The following SERAC1 variants were observed in gnomAD, a reference collection of about 807,000 sequenced individuals.
SERAC1 encodes the protein serine active site containing 1.
In SERAC1, 36 loss-of-function variants were observed where a neutral mutation model predicts 85.7. The observed-to-expected ratio is 0.42, with a 90% CI of 0.32 to 0.55. The LOEUF is 0.55. SERAC1 is among the 20% of genes least tolerant of loss of function. The pLI is 0.11. For synonymous variants in SERAC1, 242 were observed against 265.3 expected (o/e 0.91, Z 0.85); for missense variants, 629 against 796.2 (o/e 0.79, Z 2.53).
chr6:158,121,709 TTAAAA>T (rs1784425841), intron 10 of SERAC1, among the ~76,000 whole-genome samples: 1 of 152,078 alleles, frequency 6.6e-6, no homozygotes, highest in African/African-American at 2.4e-5. Flanking sequence ...GTTAAAGATT[TTAAAA>T]TAATAAAATA....
In SERAC1 at chr6:158,114,813, A is replaced by G. The variant is rs149034301; in HGVS notation, c.1660T>C (p.Leu554=). The G allele has an allele frequency of 6.2e-7, 1 of 1,603,424 alleles. No individual in the cohort carries two copies. Among genetic ancestry groups the G allele is most frequent in the East Asian group, 2.3e-5 (1 of 44,438 alleles). Residue 554 remains leucine, a synonymous_variant, in exon 15 of 17, where the codon TTG becomes CTG. Coordinates refer to ENST00000647468, the MANE Select transcript of SERAC1 (RefSeq NM_032861.4). ...CCCTTGCTGAGTTCTTTGACTTCCA[A>G]CGAGGGGAAGAGAAGATAGCGAATA... ...VNIRYLLFPS[L]EVKELSKDSP... is the part of the protein sequence containing the mutation.
rs1784098272 is a variant in SERAC1, at chr6:158,109,703, T to A, written c.*1663A>T. On this transcript the variant is annotated 3_prime_UTR_variant, in exon 17 of 17. Coordinates refer to ENST00000647468, the MANE Select transcript of SERAC1 (RefSeq NM_032861.4). ...ATCCACACATAAATTTGTACACAAA[T>A]GATCATGGTAGCATTATTTATCATA... 6.6e-6 allele frequency: 1 copy of A among 152,334 alleles called. No homozygotes were observed. The highest frequency in any genetic ancestry group is 1.5e-5 in the Non-Finnish European group (1 of 68,024). 9.4% of individuals were successfully genotyped at this position (152,334 alleles called of 1,614,324 possible).
chr6:158,113,253 G>A (rs926101012), intron 16 of SERAC1, 196 bp downstream of exon 16: 6 of 537,322 alleles, frequency 1.1e-5, no homozygotes, highest in Non-Finnish European at 2.0e-5. Context: ...ATAAAGGGCA[G>A]GGAGAGGTAA....
chr6:158,116,138 A>AAAAT lies in SERAC1; in HGVS notation c.1501+43_1501+46dup, dbSNP rs750979520. 11 of 1,510,184 alleles carry AAAAT rather than the reference A, an allele frequency of 7.3e-6. No individual in the cohort carries two copies. The African/African-American group carries it at 1.5e-4, about 21-fold the overall frequency. The allele number at this position is 1,510,184 out of a possible 1,614,324, so 93.5% of individuals were successfully genotyped here. A position where few individuals can be genotyped will look rare whatever the true frequency, so the allele number is the denominator to read the frequency against. On this transcript the variant is annotated intron_variant, in intron 14 of 16. Coordinates refer to ENST00000647468, the MANE Select transcript of SERAC1 (RefSeq NM_032861.4). ...AACTTTAGGTTGGCCACAGTGGCTG[A>AAAAT]AAATAACATCACAATGGCCACTTCA...
Position 158,120,923 on chromosome 6 carries a change from A to G in SERAC1, c.1016-348T>C, listed in dbSNP as rs1175586069. 6.6e-6 allele frequency among the ~76,000 whole-genome samples: 1 copy of G among 152,244 alleles called. No individual in the cohort carries two copies. Among genetic ancestry groups the G allele is most frequent in the Non-Finnish European group, 1.5e-5 (1 of 68,044 alleles). ...ATACCATGATGTTTTGCTTTTAACAAGAATTATGAAACTCAGTGGGTTAAT... is the reference window on the plus strand; with the variant it reads ...ATACCATGATGTTTTGCTTTTAACAGGAATTATGAAACTCAGTGGGTTAAT... On this transcript the variant is annotated intron_variant, in intron 10 of 16. Coordinates refer to ENST00000647468, the MANE Select transcript of SERAC1 (RefSeq NM_032861.4). The surrounding 1 kb of genome is among the most constrained non-coding windows in gnomAD (Gnocchi z 4.4).
chr6:158,114,718 A>AT, intron 15 of SERAC1, 71 bp downstream of exon 15: 14 of 1,595,458 alleles, frequency 8.8e-6, no homozygotes, highest in Non-Finnish European at 1.1e-5. Context: ...TTCAAGGAAG[A>AT]AACTTTTTCT....
chr6:158,120,279 C>G lies in SERAC1; in HGVS notation c.1166+146G>C. 1.2e-6 allele frequency: 1 copy of G among 837,726 alleles called. No individual in the cohort carries two copies. Among genetic ancestry groups the G allele is most frequent in the Non-Finnish European group, 1.7e-6 (1 of 575,392 alleles). The allele number at this position is 837,726 out of a possible 1,614,324, so 51.9% of individuals were successfully genotyped here. A position where few individuals can be genotyped will look rare whatever the true frequency, so the allele number is the denominator to read the frequency against. Reference sequence around the variant, plus strand: ...ACAACCTCCAATTCTTTTGTGGTTACTATAGACAAATTATTTTAGTAAATA... The same window carrying G: ...ACAACCTCCAATTCTTTTGTGGTTAGTATAGACAAATTATTTTAGTAAATA... On this transcript the variant is annotated intron_variant, in intron 11 of 16. Transcript: ENST00000647468. The surrounding 1 kb of genome is among the most constrained non-coding windows in gnomAD (Gnocchi z 4.4).
intron 10 of SERAC1, among the ~76,000 whole-genome samples, chr6:158,124,748 AACACACACACACACACACACACACAC>A (rs201023302): frequency 7.6e-6 from 1 of 131,406 alleles, no homozygotes; most frequent in South Asian, 2.5e-4. Flanking sequence ...AATGCTGGAA[AACACACACACACACACACACACACAC>A]ACACACACAC....
rs148236001 is a variant in SERAC1, at chr6:158,131,528, G to A, written c.739-1042C>T. Reference sequence around the variant, plus strand: ...TATTTTATAAATATATATAAACAACGCTCAGCACTGTTCATAATGAGAGGC... The same window carrying A: ...TATTTTATAAATATATATAAACAACACTCAGCACTGTTCATAATGAGAGGC... On this transcript the variant is annotated intron_variant, in intron 8 of 16. Transcript: ENST00000647468. Among the ~76,000 whole-genome samples, 36 of 148,170 alleles carry A rather than the reference G, an allele frequency of 2.4e-4. No homozygotes were observed. In the East Asian group the frequency reaches 6.9e-3, roughly 28 times the overall value.
At chr6:158,165,994 T>A (rs1019172544) in intron 1 of SERAC1, 11 of 152,244 alleles carry the variant, frequency 7.2e-5, no homozygotes, top group Admixed American at 7.2e-4. Flanking sequence ...TGAATGTCAC[T>A]GAACTCAACA....
At chr6:158,133,548 G>A (rs1041221326) in intron 8 of SERAC1, among the ~76,000 whole-genome samples, 13 of 152,036 alleles carry the variant, frequency 8.6e-5, no homozygotes, top group African/African-American at 3.1e-4. Flanking sequence ...ACCACGCCCA[G>A]TTAATTTTTT....
intron 1 of SERAC1, chr6:158,159,036 T>G (rs1785421958): frequency 6.7e-6 from 1 of 148,540 alleles, no homozygotes; most frequent in Non-Finnish European, 1.5e-5. Context: ...GATAGTGAGG[T>G]TTTTTTTTCT....
chr6:158,127,113 A>T (rs531953875), intron 10 of SERAC1, among the ~76,000 whole-genome samples: 2 of 152,198 alleles, frequency 1.3e-5, no homozygotes, highest in East Asian at 3.9e-4. Flanking sequence ...CTCTCCTATG[A>T]TCATCTACAA....
At chr6:158,156,910 A>G (rs1199526826) in intron 2 of SERAC1, among the ~76,000 whole-genome samples, 2 of 100,564 alleles carry the variant, frequency 2.0e-5, no homozygotes, top group East Asian at 4.1e-4. Flanking sequence ...ATATTAATAT[A>G]TTTATATAAA....
At chr6:158,144,541 C>A in intron 6 of SERAC1, 121 bp from the exon 7 acceptor site, 1 of 891,286 alleles carries the variant, frequency 1.1e-6, no homozygotes, top group South Asian at 2.1e-5. Flanking sequence ...ATTTGTAATC[C>A]AAAATTTCCC....
At chr6:158,160,603 C>T (rs554661704) in intron 1 of SERAC1, among the ~76,000 whole-genome samples, 3 of 152,260 alleles carry the variant, frequency 2.0e-5, no homozygotes, top group South Asian at 2.1e-4. Context: ...ATTTCAAAAC[C>T]TCTCTTTGAA....
At chr6:158,112,755 G>A (rs1784178302) in intron 16 of SERAC1, 1 of 149,196 alleles carries the variant, frequency 6.7e-6, no homozygotes, top group Non-Finnish European at 1.5e-5. Flanking sequence ...CTCAGAGGCA[G>A]TAAGAAAGGG....
chr6:158,148,525 C>T (rs1377499477), intron 5 of SERAC1, among the ~76,000 whole-genome samples: 1 of 152,088 alleles, frequency 6.6e-6, no homozygotes, highest in Non-Finnish European at 1.5e-5. Context: ...TCATTGCAAC[C>T]TCTGCCTCCT....
At chr6:158,121,923 CTTCT>C (rs895257974) in intron 10 of SERAC1, among the ~76,000 whole-genome samples, 19 of 152,304 alleles carry the variant, frequency 1.2e-4, no homozygotes, top group African/African-American at 4.3e-4. Context: ...GGAAAACTTA[CTTCT>C]TTAACATTGA....
Sources: allele counts gnomAD v4.1 joint callset (sites outside exome capture counted in the v4.1 genomes callset), GRCh38; gene constraint gnomAD v4.1.1; non-coding constraint Gnocchi (gnomAD v3.1); transcripts MANE v1.5; gene names NCBI Gene and HGNC (gene_info 2026-07-23, HGNC 2026-07-21).